The following DGKG variants were observed in gnomAD, a reference collection of about 807,000 sequenced individuals.
DGKG encodes the protein DAG kinase gamma.
A neutral mutation model predicts 105.3 loss-of-function variants in DGKG; 78 were observed. The observed-to-expected ratio is 0.74, with a 90% CI of 0.62 to 0.89. DGKG has a LOEUF of 0.89. DGKG is among the 40% of genes least tolerant of loss of function. The pLI is 0.00. For synonymous variants in DGKG, 346 were observed against 367.1 expected (o/e 0.94, Z 0.66); for missense variants, 958 against 1,020.1 (o/e 0.94, Z 0.83).
In DGKG at chr3:186,148,925, TC is replaced by T; in HGVS notation, c.*1164del. 1.0e-6 allele frequency: 1 copy of T among 970,242 alleles called. No homozygotes were observed. The highest frequency in any genetic ancestry group is 1.2e-6 in the Non-Finnish European group (1 of 819,620). The allele number at this position is 970,242 out of a possible 1,614,324, so 60.1% of individuals were successfully genotyped here. ...TCTCATACTACCTATGTTTTTTTTT[TC>T]CAATGAGGAAAAGTCCATCAGTAAA... On this transcript the variant is annotated 3_prime_UTR_variant, in exon 25 of 25. Transcript: ENST00000265022.
At chr3:186,291,176 T>A (rs764427972) in intron 5 of DGKG, among the ~76,000 whole-genome samples, 2 of 152,038 alleles carry the variant, frequency 1.3e-5, no homozygotes, top group Non-Finnish European at 2.9e-5. Flanking sequence ...AGAGGCACCA[T>A]AAATTCTATA....
At chr3:186,302,507 C>CATAA (rs1724001869) in intron 3 of DGKG, among the ~76,000 whole-genome samples, 1 of 11,482 alleles carries the variant, frequency 8.7e-5, no homozygotes, top group African/African-American at 1.7e-4. Flanking sequence ...TATATATATA[C>CATAA]ATATGTGTAT....
Position 186,209,353 on chromosome 3 carries a change from C to T in DGKG, c.1917+2442G>A, listed in dbSNP as rs879086819. Among the ~76,000 whole-genome samples the T allele has an allele frequency of 2.0e-5, 3 of 152,026 alleles. No homozygotes were observed. In the South Asian group the frequency reaches 6.2e-4, roughly 32 times the overall value. ...CTGACCGCTGGTGATCCACCCGCCT[C>T]GGCTTCCCAAAGTGCTGGGATTACA... On this transcript the variant is annotated intron_variant, in intron 21 of 24. Transcript: ENST00000265022.
rs1288247191 is a variant in DGKG, at chr3:186,149,938, CT to C, written c.*151del. 7.0e-7 allele frequency: 1 copy of C among 1,424,900 alleles called. No individual in the cohort carries two copies. The highest frequency in any genetic ancestry group is 9.1e-7 in the Non-Finnish European group (1 of 1,094,134). The allele number at this position is 1,424,900 out of a possible 1,614,324, so 88.3% of individuals were successfully genotyped here. ...AGAATGTATGGCAAGGTGACGTTTT[CT>C]TCCCGAAGGGTGGCTTTGCTTCCAC... On this transcript the variant is annotated 3_prime_UTR_variant, in exon 25 of 25. Coordinates refer to ENST00000265022, the MANE Select transcript of DGKG (RefSeq NM_001346.3).
rs1715557060 is a variant in DGKG, at chr3:186,147,452, A to ACTC, written c.*2637_*2638insGAG. ...GGTCACTATGATGAGGGACTCCACC[A>ACTC]CAAGAAACCACAGTCATAGTGTTTA... On this transcript the variant is annotated 3_prime_UTR_variant, in exon 25 of 25. Coordinates refer to ENST00000265022, the MANE Select transcript of DGKG (RefSeq NM_001346.3). 2 of 985,238 alleles carry ACTC rather than the reference A, an allele frequency of 2.0e-6. No homozygotes were observed. The highest frequency in any genetic ancestry group is 2.4e-6 in the Non-Finnish European group (2 of 829,806). 61.0% of individuals were successfully genotyped at this position (985,238 alleles called of 1,614,324 possible). A position where few individuals can be genotyped will look rare whatever the true frequency, so the allele number is the denominator to read the frequency against.
chr3:186,231,577 A>G lies in DGKG; in HGVS notation c.1826+10927T>C, dbSNP rs965146658. Among the ~76,000 whole-genome samples the G allele has an allele frequency of 1.3e-5, 2 of 152,124 alleles. No homozygotes were observed. Among genetic ancestry groups the G allele is most frequent in the African/African-American group, 4.8e-5 (2 of 41,424 alleles). ...CAGGACTGATTACATTGGGAAAACC[A>G]CCTTTCTAAACACTTTAATAAATGA... On this transcript the variant is annotated intron_variant, in intron 20 of 24. Coordinates refer to ENST00000265022, the MANE Select transcript of DGKG (RefSeq NM_001346.3). The surrounding 1 kb of genome is among the most constrained non-coding windows in gnomAD (Gnocchi z 4.5).
chr3:186,155,508 T>C (rs1183372911), intron 24 of DGKG, among the ~76,000 whole-genome samples: 3 of 152,204 alleles, frequency 2.0e-5, no homozygotes, highest in Non-Finnish European at 4.4e-5. Flanking sequence ...TTTCCCTAAA[T>C]GTTGGGCATT....
At chr3:186,245,132 G>A (rs992115221) in intron 19 of DGKG, among the ~76,000 whole-genome samples, 1 of 152,078 alleles carries the variant, frequency 6.6e-6, no homozygotes, top group Non-Finnish European at 1.5e-5. Flanking sequence ...TTTATTCTCC[G>A]GGATATGTGT....
chr3:186,347,448 C>CAAAAA (rs576239325), intron 1 of DGKG, among the ~76,000 whole-genome samples: 2 of 51,554 alleles, frequency 3.9e-5, no homozygotes, highest in African/African-American at 1.4e-4. Flanking sequence ...GACTCAGTCT[C>CAAAAA]AAAAAAAAAA....
At chr3:186,300,817 C>T (rs1202585443) in intron 3 of DGKG, among the ~76,000 whole-genome samples, 3 of 152,178 alleles carry the variant, frequency 2.0e-5, no homozygotes, top group African/African-American at 7.2e-5. Context: ...GATCATGAAA[C>T]AAGATCAGCA....
chr3:186,254,938 C>T (rs1416762856), intron 17 of DGKG, among the ~76,000 whole-genome samples: 1 of 152,248 alleles, frequency 6.6e-6, no homozygotes, highest in African/African-American at 2.4e-5. Flanking sequence ...TCCTTCTGCA[C>T]ATCCTGCCTC....
chr3:186,274,652 C>T (rs1165847126), intron 10 of DGKG, among the ~76,000 whole-genome samples: 1 of 151,028 alleles, frequency 6.6e-6, no homozygotes, highest in Non-Finnish European at 1.5e-5. Context: ...GTTTTATGAT[C>T]TTGCGATAGT....
intron 14 of DGKG, among the ~76,000 whole-genome samples, chr3:186,264,274 T>C (rs201198164): frequency 9.7e-6 from 1 of 102,988 alleles, no homozygotes; most frequent in African/African-American, 3.5e-5. Context: ...TTTTCTTTTT[T>C]TTCTTTTGAG....
chr3:186,152,665 C>A (rs1387134548), intron 24 of DGKG, among the ~76,000 whole-genome samples: 1 of 151,990 alleles, frequency 6.6e-6, no homozygotes, highest in East Asian at 1.9e-4. Flanking sequence ...GCCCCTCCCC[C>A]ACATTTTTTT....
At chr3:186,349,271 A>G (rs1346597692) in intron 1 of DGKG, among the ~76,000 whole-genome samples, 1 of 152,176 alleles carries the variant, frequency 6.6e-6, no homozygotes, top group East Asian at 1.9e-4. Context: ...TGTATTGAAT[A>G]ATAGCCTCCG....
chr3:186,174,535 G>T (rs73066186), intron 22 of DGKG, among the ~76,000 whole-genome samples: 1 of 152,066 alleles, frequency 6.6e-6, no homozygotes, highest in Non-Finnish European at 1.5e-5. Flanking sequence ...TGAGAATTTA[G>T]GGTGACTTGC....
chr3:186,224,256 CAGA>C (rs1419227250), intron 20 of DGKG, among the ~76,000 whole-genome samples: 1 of 152,156 alleles, frequency 6.6e-6, no homozygotes, highest in Non-Finnish European at 1.5e-5. Flanking sequence ...ATCCATGGTC[CAGA>C]AGAACAGTCG....
intron 4 of DGKG, 136 bp from the exon 5 acceptor site, chr3:186,297,619 A>G (rs1236377614): frequency 1.5e-6 from 1 of 670,938 alleles, no homozygotes; most frequent in Non-Finnish European, 2.6e-6. Context: ...AGCTGGGTTC[A>G]TGCTCGCTTA....
chr3:186,260,150 C>T (rs1411648242), intron 16 of DGKG, among the ~76,000 whole-genome samples: 1 of 152,286 alleles, frequency 6.6e-6, no homozygotes, highest in South Asian at 2.1e-4. Flanking sequence ...CCAGCCTGTT[C>T]CTCCTGTCAA....
Sources: gnomAD v4.1 joint callset for allele counts (sites outside exome capture counted in the v4.1 genomes callset) on GRCh38, gnomAD v4.1.1 for gene constraint, Gnocchi (gnomAD v3.1) non-coding constraint, MANE v1.5 for transcripts, NCBI Gene and HGNC (gene_info 2026-07-23, HGNC 2026-07-21) for gene names.